The following FRRS1 variants were observed in gnomAD, a reference collection of about 807,000 sequenced individuals.
The protein encoded by FRRS1 is ferric chelate reductase 1.
FRRS1 carries 51 observed loss-of-function variants against 70.7 expected under a neutral mutation model. That is an observed-to-expected ratio of 0.72 (90% CI 0.58 to 0.91). FRRS1 has a LOEUF of 0.91. FRRS1 is among the 40% of genes least tolerant of loss of function. The pLI, the probability that FRRS1 is intolerant of heterozygous loss-of-function variation, is 0.00. For synonymous variants in FRRS1, 225 were observed against 238.7 expected (o/e 0.94, Z 0.53); for missense variants, 672 against 726.0 (o/e 0.93, Z 0.86).
At position 99,706,675 on chromosome 1, in the gene FRRS1, C is replaced by T. The variant is rs937341340; in HGVS notation, c.*2353G>A. 6.6e-6 allele frequency among the ~76,000 whole-genome samples: 1 copy of T among 152,004 alleles called. No homozygotes were observed. The highest frequency in any genetic ancestry group is 1.5e-5 in the Non-Finnish European group (1 of 67,964). ...TTGGGAGGCTGAGGCGGGTGGATTA[C>T]TTTAGACCAGGAGTTTGGGACCAGC... On this transcript the variant is annotated 3_prime_UTR_variant, in exon 17 of 17. Transcript: ENST00000646001.
At chr1:99,719,440 A>G (rs2100917483) in intron 10 of FRRS1, 94 bp downstream of exon 10, 1 of 695,758 alleles carries the variant, frequency 1.4e-6, no homozygotes, top group Admixed American at 2.8e-5. Context: ...CTTTATAAAA[A>G]TTAGCTACAT....
intron 7 of FRRS1, among the ~76,000 whole-genome samples, chr1:99,731,814 T>A (rs1429602199): frequency 6.6e-6 from 1 of 152,200 alleles, no homozygotes; most frequent in Admixed American, 6.5e-5. Context: ...AAACGTTTTT[T>A]GAACCCCGAT....
Position 99,740,862 on chromosome 1 carries a change from A to C in FRRS1, c.507T>G (p.Pro169=), listed in dbSNP as rs181965510. ...CTACTGTAGCTTTAGGTGTTGTAAA[A>C]GGAAATGCATTTGGTTGTGAAATTA... is the stretch of plus-strand genomic sequence containing the variant. ...GPIISQPNAF[P]FTTPKATVVP... is the part of the protein sequence containing the mutation. Residue 169 remains proline, a synonymous_variant, in exon 6 of 17, where the codon CCT becomes CCG. Coordinates refer to ENST00000646001, the MANE Select transcript of FRRS1 (RefSeq NM_001361041.2). 6.2e-7 allele frequency: 1 copy of C among 1,612,588 alleles called. No individual in the cohort carries two copies. Among genetic ancestry groups the C allele is most frequent in the Non-Finnish European group, 8.5e-7 (1 of 1,178,562 alleles).
intron 7 of FRRS1, among the ~76,000 whole-genome samples, chr1:99,732,425 T>C (rs1655438806): frequency 6.6e-6 from 1 of 152,180 alleles, no homozygotes; most frequent in African/African-American, 2.4e-5. Flanking sequence ...ATGGCTCTTA[T>C]AACCTAAAGC....
At chr1:99,755,833 A>G (rs1010335420) in intron 1 of FRRS1, among the ~76,000 whole-genome samples, 40 of 152,238 alleles carry the variant, frequency 2.6e-4, no homozygotes, top group African/African-American at 9.6e-4. Flanking sequence ...GAAGTGACTA[A>G]GACACCACCA....
chr1:99,739,896 A>C (rs1416238), intron 6 of FRRS1, among the ~76,000 whole-genome samples: 75,128 of 151,534 alleles, frequency 0.5, 22,583 homozygotes, highest in African/African-American at 0.85. Context: ...TTTTTATTGT[A>C]TCCACTTCTG....
At chr1:99,752,690 C>T (rs765002581) in intron 1 of FRRS1, among the ~76,000 whole-genome samples, 1 of 152,094 alleles carries the variant, frequency 6.6e-6, no homozygotes, top group Non-Finnish European at 1.5e-5. Flanking sequence ...TTGGGAGGAT[C>T]ACTTGAGCCC....
Position 99,708,233 on chromosome 1 carries a change from C to T in FRRS1, c.*795G>A, listed in dbSNP as rs1654084865. ...CTGAAAAACAGTTTCTAAATAAAGT[C>T]CACAGACCATTCAGATAAACTAGTA... On this transcript the variant is annotated 3_prime_UTR_variant, in exon 17 of 17. Transcript: ENST00000646001. Among the ~76,000 whole-genome samples the T allele has an allele frequency of 6.6e-6, 1 of 152,124 alleles. No homozygotes were observed. The highest frequency in any genetic ancestry group is 2.4e-5 in the African/African-American group (1 of 41,412).
intron 5 of FRRS1, among the ~76,000 whole-genome samples, chr1:99,741,334 T>C (rs908473598): frequency 5.3e-5 from 8 of 152,234 alleles, no homozygotes; most frequent in Admixed American, 1.3e-4. Context: ...CAAGCTATAA[T>C]AGAGGCTGCA....
At chr1:99,733,777 C>CA (rs1268568883) in intron 7 of FRRS1, among the ~76,000 whole-genome samples, 3 of 152,286 alleles carry the variant, frequency 2.0e-5, no homozygotes, top group African/African-American at 7.2e-5. Flanking sequence ...ACAATTGATT[C>CA]ATAGGAGAAA....
At chr1:99,755,415 G>A (rs1184821228) in intron 1 of FRRS1, among the ~76,000 whole-genome samples, 2 of 151,986 alleles carry the variant, frequency 1.3e-5, no homozygotes, top group African/African-American at 2.4e-5. Context: ...GTCGGAGGGG[G>A]AGAGAGAGAA....
At chr1:99,757,667 C>T (rs972263208) in intron 1 of FRRS1, among the ~76,000 whole-genome samples, 5 of 152,008 alleles carry the variant, frequency 3.3e-5, no homozygotes, top group Non-Finnish European at 7.4e-5. Context: ...TTTTTTTCTT[C>T]CATCAAGTAC....
chr1:99,749,971 T>C (rs557578776), intron 1 of FRRS1, among the ~76,000 whole-genome samples: 1 of 152,356 alleles, frequency 6.6e-6, no homozygotes, highest in African/African-American at 2.4e-5. Context: ...GAGTTTTCTA[T>C]ATCATATATC....
rs116770015 is a variant in FRRS1, at chr1:99,712,099, T to C, written c.1480+6A>G. The stretch of plus-strand genomic sequence containing the variant: ...TATATGAATAAGTGGCATCACAATC[T>C]CTTACCTGCTATTATTCTAGCAGCT... On this transcript the variant is annotated splice_donor_region_variant and intron_variant, in intron 14 of 16. Coordinates refer to ENST00000646001, the MANE Select transcript of FRRS1 (RefSeq NM_001361041.2). The C allele has an allele frequency of 1.0e-3, 1,621 of 1,590,248 alleles. 18 individuals are homozygous for C. The African/African-American group carries it at 0.019, about 18-fold the overall frequency.
intron 9 of FRRS1, among the ~76,000 whole-genome samples, 186 bp downstream of exon 9, chr1:99,728,307 C>T (rs1655168329): frequency 6.6e-6 from 1 of 152,208 alleles, no homozygotes; most frequent in Non-Finnish European, 1.5e-5. Flanking sequence ...ACAAGGGACA[C>T]TCTACCTCTA....
intron 4 of FRRS1, among the ~76,000 whole-genome samples, 185 bp downstream of exon 4, chr1:99,747,109 A>T (rs1656312803): frequency 2.1e-5 from 1 of 47,128 alleles, no homozygotes; most frequent in Non-Finnish European, 3.2e-5. Context: ...AGTATATAAC[A>T]CATATAAATA....
chr1:99,712,444 G>A lies in FRRS1; in HGVS notation c.1395C>T (p.Val465=). Residue 465 remains valine (V), a synonymous_variant, in exon 13 of 17, where the codon GTC becomes GTT. Transcript: ENST00000646001. Reference sequence around the variant, plus strand: ...TTGGGTCATGTAAAGGTGGCCTGAAGACTGCCAGAAGAGGCTGAAGAACTG... The same window carrying A: ...TTGGGTCATGTAAAGGTGGCCTGAAAACTGCCAGAAGAGGCTGAAGAACTG... ...TLAVLQPLLA[V]FRPPLHDPRR... is the part of the protein sequence containing the mutation. 6.2e-7 allele frequency: 1 copy of A among 1,612,760 alleles called. No individual in the cohort carries two copies. The highest frequency in any genetic ancestry group is 8.5e-7 in the Non-Finnish European group (1 of 1,179,112).
chr1:99,708,794 T>C lies in FRRS1; in HGVS notation c.*234A>G, dbSNP rs2100894481. 1.4e-6 allele frequency: 1 copy of C among 692,498 alleles called. No individual in the cohort carries two copies. Among genetic ancestry groups the C allele is most frequent in the Non-Finnish European group, 2.4e-6 (1 of 415,238 alleles). 42.9% of individuals were successfully genotyped at this position (692,498 alleles called of 1,614,324 possible). A position where few individuals can be genotyped will look rare whatever the true frequency, so the allele number is the denominator to read the frequency against. ...GAGAGTTACTTCTCCTGAAGTACAA[T>C]CTTTCCTTTAAGACCCAGAATTACA... On this transcript the variant is annotated 3_prime_UTR_variant, in exon 17 of 17. Coordinates refer to ENST00000646001, the MANE Select transcript of FRRS1 (RefSeq NM_001361041.2).
chr1:99,721,475 T>C (rs17121017), intron 9 of FRRS1, among the ~76,000 whole-genome samples: 9,303 of 151,994 alleles, frequency 0.061, 372 homozygotes, highest in African/African-American at 0.11. Context: ...TATACAACTT[T>C]AAATCAGCCC....
Sources: gnomAD v4.1 joint callset for allele counts (sites outside exome capture counted in the v4.1 genomes callset) on GRCh38, gnomAD v4.1.1 for gene constraint, MANE v1.5 for transcripts, NCBI Gene and HGNC (gene_info 2026-07-23, HGNC 2026-07-21) for gene names.